The following LGR6 variants were observed in gnomAD, a reference collection of about 807,000 sequenced individuals.
LGR6 encodes the protein leucine rich repeat containing G protein-coupled receptor 6.
In LGR6, 45 loss-of-function variants were observed where a neutral mutation model predicts 69.4. The observed-to-expected ratio is 0.65, with a 90% CI of 0.51 to 0.83. LGR6 has a LOEUF of 0.83. Among genes scored for constraint, LGR6 ranks in the 40% least tolerant of loss-of-function variants. The probability of loss-of-function intolerance (pLI) is 0.00; values close to 1 mark genes in which losing one functional copy is unlikely to be tolerated. For synonymous variants in LGR6, 538 were observed against 555.0 expected (o/e 0.97, Z 0.43); for missense variants, 1,108 against 1,246.7 (o/e 0.89, Z 1.68).
intron 6 of LGR6, among the ~76,000 whole-genome samples, chr1:202,295,803 A>G (rs1482878271): frequency 6.6e-6 from 1 of 152,164 alleles, no homozygotes; most frequent in Non-Finnish European, 1.5e-5. Flanking sequence ...AGAGAAGCAA[A>G]GCAGAAGGGA....
At chr1:202,215,723 G>A (rs777127035) in intron 1 of LGR6, among the ~76,000 whole-genome samples, 14 of 152,138 alleles carry the variant, frequency 9.2e-5, no homozygotes, top group Non-Finnish European at 1.8e-4. Context: ...CCCACCCCTC[G>A]GAAGCTGTAG....
intron 15 of LGR6, 35 bp downstream of exon 15, chr1:202,309,211 C>G: frequency 6.2e-7 from 1 of 1,611,030 alleles, no homozygotes. Context: ...CCTGGGTAGG[C>G]CAGCTGGAGA....
At chr1:202,271,795 T>G (rs1289110089) in intron 4 of LGR6, among the ~76,000 whole-genome samples, 19 of 105,934 alleles carry the variant, frequency 1.8e-4, no homozygotes, top group Non-Finnish European at 3.1e-4. Flanking sequence ...GCAATAAGAG[T>G]GAAACTCTGT....
chr1:202,225,434 T>C lies in LGR6; in HGVS notation c.224T>C (p.Met75Thr). The C allele has an allele frequency of 1.2e-6, 2 of 1,613,890 alleles. No homozygotes were observed. Among genetic ancestry groups the C allele is most frequent in the South Asian group, 1.1e-5 (1 of 91,078 alleles). Residue 75 changes from methionine (M) to threonine (T), a missense_variant, in exon 2 of 18, where the codon ATG becomes ACG. Met to Thr is a moderately conservative substitution (Grantham distance 81). Transcript: ENST00000367278. ...CTTCTCTCCACCAGGGACCTCAGCA[T>C]GAACAACCTCACAGAGCTTCAGCCT... ...DPLTAYLDLSMNNLTELQPGL... is the reference protein window; with the variant it reads ...DPLTAYLDLSTNNLTELQPGL...
intron 1 of LGR6, among the ~76,000 whole-genome samples, chr1:202,204,938 TCAAGCACACACACGCACCTC>T (rs1659062916): frequency 6.2e-4 from 1 of 1,626 alleles, no homozygotes; most frequent in Non-Finnish European, 1.1e-3. Context: ...CACACCTCCT[TCAAGCACACACACGCACCTC>T]CAAACACACA....
intron 9 of LGR6, 92 bp from the exon 10 acceptor site, chr1:202,303,187 A>G: frequency 1.1e-6 from 1 of 942,098 alleles, no homozygotes; most frequent in Non-Finnish European, 1.7e-6. Flanking sequence ...CCAAAGGAGG[A>G]GTCCCGGAGG....
At chr1:202,293,742 A>C (rs1666957240) in intron 6 of LGR6, among the ~76,000 whole-genome samples, 1 of 151,352 alleles carries the variant, frequency 6.6e-6, no homozygotes, top group Non-Finnish European at 1.5e-5. Flanking sequence ...AAATGGGAAA[A>C]CTCCGGCCAC....
At chr1:202,196,167 G>A (rs1220632348) in intron 1 of LGR6, among the ~76,000 whole-genome samples, 1 of 152,172 alleles carries the variant, frequency 6.6e-6, no homozygotes, top group East Asian at 1.9e-4. Context: ...TAGCAGTGGG[G>A]TCTGGAATAT....
Position 202,306,771 on chromosome 1 carries a change from T to TG in LGR6, c.1137-91dup, listed in dbSNP as rs749016723. On this transcript the variant is annotated intron_variant, in intron 12 of 17. Coordinates refer to ENST00000367278, the MANE Select transcript of LGR6 (RefSeq NM_001017403.2). Reference sequence around the variant, plus strand: ...CCCTTTCTTCCTGTGCCAGGAGAAGTGGGGGGCTCTACTTTCTTCCTCCCA... The same window carrying TG: ...CCCTTTCTTCCTGTGCCAGGAGAAGTGGGGGGGCTCTACTTTCTTCCTCCCA... 1,100 of 1,086,742 alleles carry TG rather than the reference T, an allele frequency of 1.0e-3. 3 individuals are homozygous for TG. The highest frequency in any genetic ancestry group is 7.8e-4 in the Non-Finnish European group (555 of 712,770). 67.3% of individuals were successfully genotyped at this position (1,086,742 alleles called of 1,614,324 possible).
chr1:202,238,080 GTTTTGTTTTGT>G (rs1249407817), intron 4 of LGR6, among the ~76,000 whole-genome samples: 2 of 150,384 alleles, frequency 1.3e-5, no homozygotes, highest in Non-Finnish European at 3.0e-5. Context: ...CCGTTTTTTT[GTTTTGTTTTGT>G]TTTTGTTTTT....
chr1:202,318,052 G>C lies in LGR6; in HGVS notation c.1749G>C (p.Leu583=). ...CCGTGCTCTGCAATGGACTGGTGCT[G>C]CTGACCGTGTTCGCTGGCGGGCCTG... ...LLSVLCNGLV[L]LTVFAGGPVP... Residue 583 remains leucine (L), a synonymous_variant, in exon 18 of 18, where the codon CTG becomes CTC. Transcript: ENST00000367278. 1 of 1,614,176 alleles carries C rather than the reference G, an allele frequency of 6.2e-7. No individual in the cohort carries two copies. The highest frequency in any genetic ancestry group is 8.5e-7 in the Non-Finnish European group (1 of 1,180,032).
intron 6 of LGR6, among the ~76,000 whole-genome samples, chr1:202,283,639 C>A (rs2148192708): frequency 6.6e-6 from 1 of 152,306 alleles, no homozygotes; most frequent in South Asian, 2.1e-4. Context: ...CCAGCCATAC[C>A]ACCTGGGGAG....
At chr1:202,301,338 A>T in intron 9 of LGR6, 103 bp downstream of exon 9, 1 of 974,470 alleles carries the variant, frequency 1.0e-6, no homozygotes, top group Non-Finnish European at 1.6e-6. Context: ...CTTGCAAGGC[A>T]CAAGTCCACT....
intron 4 of LGR6, among the ~76,000 whole-genome samples, chr1:202,239,355 G>A (rs1661957830): frequency 1.9e-5 from 1 of 53,578 alleles, no homozygotes; most frequent in African/African-American, 7.3e-5. Flanking sequence ...GTGTGTGTGT[G>A]TGTGTGTGTG....
intron 4 of LGR6, among the ~76,000 whole-genome samples, chr1:202,272,055 C>T (rs1000741754): frequency 6.6e-6 from 1 of 152,090 alleles, no homozygotes; most frequent in African/African-American, 2.4e-5. Context: ...AAGCCCACAC[C>T]TTCCACATCA....
intron 14 of LGR6, among the ~76,000 whole-genome samples, chr1:202,307,708 A>G (rs1174662930): frequency 6.6e-6 from 1 of 152,156 alleles, no homozygotes; most frequent in Non-Finnish European, 1.5e-5. Flanking sequence ...CAAAGAGGAT[A>G]TATTGGGCCT....
intron 4 of LGR6, among the ~76,000 whole-genome samples, chr1:202,267,365 G>A (rs1664754634): frequency 6.6e-6 from 1 of 152,168 alleles, no homozygotes; most frequent in African/African-American, 2.4e-5. Context: ...TACTTCTAGT[G>A]CAGACACACT....
intron 4 of LGR6, among the ~76,000 whole-genome samples, chr1:202,267,740 A>G (rs537395652): frequency 7.2e-5 from 11 of 152,228 alleles, no homozygotes; most frequent in Non-Finnish European, 1.6e-4. Flanking sequence ...TTGTTTTATC[A>G]AACAGCAAAG....
chr1:202,278,339 G>C (rs964672151), intron 5 of LGR6, among the ~76,000 whole-genome samples: 57 of 152,156 alleles, frequency 3.7e-4, no homozygotes, highest in Non-Finnish European at 4.7e-4. Context: ...AAGAAGAAGG[G>C]GAGTCATGGG....
Sources: allele counts gnomAD v4.1 joint callset (sites outside exome capture counted in the v4.1 genomes callset), GRCh38; gene constraint gnomAD v4.1.1; transcripts MANE v1.5; gene names NCBI Gene and HGNC (gene_info 2026-07-23, HGNC 2026-07-21).